The following USP15 variants were observed in gnomAD, a reference collection of about 807,000 sequenced individuals.
USP15 encodes ubiquitin specific peptidase 15, also known as ubiquitin carboxyl-terminal hydrolase 15.
USP15 carries 18 observed loss-of-function variants against 127.1 expected under a neutral mutation model. That is an observed-to-expected ratio of 0.14 (90% CI 0.10 to 0.21). The LOEUF is 0.21. Among genes scored for constraint, USP15 ranks in the 10% least tolerant of loss-of-function variants. The probability of loss-of-function intolerance (pLI) is 1.00; values close to 1 mark genes in which losing one functional copy is unlikely to be tolerated. For missense variants in USP15, 805 were observed against 1,159.9 expected, an observed-to-expected ratio of 0.69 and a Z score of 4.44; for synonymous variants, 364 against 393.7, an observed-to-expected ratio of 0.92 and a Z score of 0.89.
At chr12:62,270,925 C>G (rs776580551) in intron 1 of USP15, among the ~76,000 whole-genome samples, 1 of 152,028 alleles carries the variant, frequency 6.6e-6, no homozygotes, top group Non-Finnish European at 1.5e-5. Context: ...TACCTTCTCT[C>G]ATTCGAAATC....
chr12:62,282,159 C>G (rs2063668077), intron 1 of USP15, among the ~76,000 whole-genome samples: 1 of 152,006 alleles, frequency 6.6e-6, no homozygotes, highest in Non-Finnish European at 1.5e-5. Context: ...GATATCTCAT[C>G]TCTACAAAAA....
intron 2 of USP15, among the ~76,000 whole-genome samples, chr12:62,301,036 G>A (rs908551410): frequency 6.6e-6 from 1 of 152,072 alleles, no homozygotes; most frequent in East Asian, 1.9e-4. Flanking sequence ...TGAAGAAAAC[G>A]TAAAGCCCAA....
At chr12:62,330,963 TTATAAGCACATGA>T (rs2065280943) in intron 6 of USP15, among the ~76,000 whole-genome samples, 3 of 150,742 alleles carry the variant, frequency 2.0e-5, no homozygotes, top group Non-Finnish European at 4.4e-5. Flanking sequence ...GAAAAGCATG[TTATAAGCACATGA>T]TGTTAGCTTA....
Position 62,405,801 on chromosome 12 carries a change from T to G in USP15, c.*1426T>G, listed in dbSNP as rs1285880586. On this transcript the variant is annotated 3_prime_UTR_variant, in exon 22 of 22. Transcript: ENST00000280377. ...ATAAATTGTGTATTGTAAATAAAAG[T>G]TCACTCTGTGAGTGCACATTTTGGT... 1 of 152,554 alleles carries G rather than the reference T, an allele frequency of 6.6e-6. No individual in the cohort carries two copies. Among genetic ancestry groups the G allele is most frequent in the Non-Finnish European group, 1.5e-5 (1 of 67,996 alleles). The allele number at this position is 152,554 out of a possible 1,614,324, so 9.5% of individuals were successfully genotyped here.
chr12:62,294,450 TA>T (rs1454875563), intron 2 of USP15, 144 bp downstream of exon 2: 1 of 823,906 alleles, frequency 1.2e-6, no homozygotes, highest in Non-Finnish European at 1.8e-6. Context: ...CTCATTATTC[TA>T]ATAAGTTATT....
chr12:62,353,040 C>T (rs2066008050), intron 7 of USP15, among the ~76,000 whole-genome samples: 1 of 151,718 alleles, frequency 6.6e-6, no homozygotes, highest in Admixed American at 6.6e-5. Context: ...CTTTAGGGCC[C>T]AGATTTTCAT....
chr12:62,281,329 TA>T (rs896333611), intron 1 of USP15, among the ~76,000 whole-genome samples: 1 of 152,182 alleles, frequency 6.6e-6, no homozygotes, highest in Non-Finnish European at 1.5e-5. Context: ...TAGATTCTCC[TA>T]TTTTTCTTTT....
intron 4 of USP15, among the ~76,000 whole-genome samples, chr12:62,321,172 T>C (rs1445978457): frequency 6.6e-6 from 1 of 152,162 alleles, no homozygotes; most frequent in African/African-American, 2.4e-5. Context: ...ATGTTAAAAT[T>C]TAAAGTTTAT....
chr12:62,270,652 T>A (rs181223288), intron 1 of USP15, among the ~76,000 whole-genome samples: 165 of 152,210 alleles, frequency 1.1e-3, no homozygotes, highest in African/African-American at 3.8e-3. Context: ...CTTGGTACCC[T>A]GCTTGAAAAT....
At chr12:62,338,632 T>G (rs563714777) in intron 6 of USP15, among the ~76,000 whole-genome samples, 1 of 151,818 alleles carries the variant, frequency 6.6e-6, no homozygotes, top group African/African-American at 2.4e-5. Context: ...GTCTTTAATC[T>G]ATCTTAATTT....
At chr12:62,373,603 A>G (rs2066742553) in intron 8 of USP15, among the ~76,000 whole-genome samples, 1 of 152,020 alleles carries the variant, frequency 6.6e-6, no homozygotes. Context: ...TAAGTAGAGT[A>G]TGCTAGTTCT....
At chr12:62,396,155 TATATATATATATAGATAG>T in intron 19 of USP15, 122 bp from the exon 20 acceptor site, 1 of 256,102 alleles carries the variant, frequency 3.9e-6, no homozygotes, top group Non-Finnish European at 7.2e-6. Context: ...CTTAGTGAGA[TATATATATATATAGATAG>T]ATATATATAG....
At chr12:62,293,203 C>A (rs1191145355) in intron 1 of USP15, among the ~76,000 whole-genome samples, 1 of 152,178 alleles carries the variant, frequency 6.6e-6, no homozygotes, top group Non-Finnish European at 1.5e-5. Flanking sequence ...CTCTCGCTTA[C>A]CCTTTCCGTG....
chr12:62,276,818 T>C (rs1349575555), intron 1 of USP15, among the ~76,000 whole-genome samples: 3 of 152,056 alleles, frequency 2.0e-5, no homozygotes. Context: ...CTATAAAAAA[T>C]AAATACAAAA....
At chr12:62,385,686 A>G (rs2137587851) in intron 11 of USP15, among the ~76,000 whole-genome samples, 1 of 152,088 alleles carries the variant, frequency 6.6e-6, no homozygotes, top group Non-Finnish European at 1.5e-5. Context: ...TTTTAAAGTT[A>G]TATCCTTTAG....
At chr12:62,398,157 A>AT (rs2067558271) in intron 20 of USP15, among the ~76,000 whole-genome samples, 1 of 151,262 alleles carries the variant, frequency 6.6e-6, no homozygotes, top group African/African-American at 2.4e-5. Context: ...CACCCAGCTA[A>AT]TTTTTTTGTA....
chr12:62,356,209 C>T (rs962250843), intron 8 of USP15, among the ~76,000 whole-genome samples: 2 of 151,514 alleles, frequency 1.3e-5, no homozygotes, highest in East Asian at 1.9e-4. Context: ...ACCTTTTTTT[C>T]GTCAGTCTCT....
rs943652066 is a variant in USP15 at position 62,408,492 on chromosome 12, C to T, written c.*4117C>T. 1 of 151,964 alleles carries T rather than the reference C, an allele frequency of 6.6e-6. No homozygotes were observed. The highest frequency in any genetic ancestry group is 2.4e-5 in the African/African-American group (1 of 41,384). 9.4% of individuals were successfully genotyped at this position (151,964 alleles called of 1,614,324 possible). A position where few individuals can be genotyped will look rare whatever the true frequency, so the allele number is the denominator to read the frequency against. On this transcript the variant is annotated 3_prime_UTR_variant, in exon 22 of 22. Transcript: ENST00000280377. Reference sequence around the variant, plus strand: ...GGAGTGAGAAGGAAAGGAAGAGCTCCTTTCTAGGGCCATAGAATAAGAGTA... The same window carrying T: ...GGAGTGAGAAGGAAAGGAAGAGCTCTTTTCTAGGGCCATAGAATAAGAGTA...
intron 2 of USP15, among the ~76,000 whole-genome samples, chr12:62,296,874 C>T (rs191204714): frequency 6.6e-6 from 1 of 152,304 alleles, no homozygotes; most frequent in African/African-American, 2.4e-5. Context: ...AATTTTCCAG[C>T]CCTTCAGTGT....
Sources: allele counts gnomAD v4.1 joint callset (sites outside exome capture counted in the v4.1 genomes callset), GRCh38; gene constraint gnomAD v4.1.1; transcripts MANE v1.5; gene names NCBI Gene and HGNC (gene_info 2026-07-23, HGNC 2026-07-21).